Variants in ROCK2 observed in about 807,000 individuals in gnomAD.
ROCK2 encodes rho-associated protein kinase 2.
A neutral mutation model predicts 195.1 loss-of-function variants in ROCK2; 61 were observed. The ratio of observed to expected loss-of-function variants is 0.31; its 90% CI spans 0.25 to 0.39. The LOEUF (loss-of-function observed/expected upper bound fraction) is 0.39. Ranked by LOEUF, ROCK2 falls within the 10% of genes least tolerant of loss-of-function variation. The pLI is 1.00. For missense variants in ROCK2, 1,109 were observed against 1,637.4 expected (o/e 0.68, Z 5.57); for synonymous variants, 504 against 545.5 (o/e 0.92, Z 1.06).
At chr2:11,233,149 G>A (rs1665079438) in intron 5 of ROCK2, among the ~76,000 whole-genome samples, 1 of 152,122 alleles carries the variant, frequency 6.6e-6, no homozygotes, top group South Asian at 2.1e-4. Context: ...AGGGGTTTCG[G>A]GCTACAGTGA....
chr2:11,220,535 T>C (rs951147282), intron 9 of ROCK2, among the ~76,000 whole-genome samples: 2 of 152,242 alleles, frequency 1.3e-5, no homozygotes, highest in African/African-American at 2.4e-5. Flanking sequence ...TTCTGCTAGA[T>C]GCAGAGACTA....
intron 13 of ROCK2, among the ~76,000 whole-genome samples, chr2:11,215,887 C>T (rs1334849336): frequency 6.6e-6 from 1 of 152,168 alleles, no homozygotes; most frequent in Non-Finnish European, 1.5e-5. Flanking sequence ...ACTGAACTAT[C>T]ATTATTTAAT....
At chr2:11,214,770 C>G in intron 16 of ROCK2, 70 bp downstream of exon 16, 1 of 1,368,542 alleles carries the variant, frequency 7.3e-7, no homozygotes, top group South Asian at 1.4e-5. Context: ...AGCACACTAT[C>G]CATCATCTAA....
Position 11,202,065 on chromosome 2 carries a change from T to A in ROCK2, c.2606A>T (p.Glu869Val). 1 of 1,613,764 alleles carries A rather than the reference T, an allele frequency of 6.2e-7. No individual in the cohort carries two copies. The highest frequency in any genetic ancestry group is 8.5e-7 in the Non-Finnish European group (1 of 1,179,720). Residue 869 changes from glutamate to valine, a missense_variant, in exon 21 of 33, where the codon GAA (glutamate) becomes GTA (valine). Physicochemically the swap from Glu to Val is moderately radical, Grantham distance 121 (BLOSUM62 -2). Around this residue, in one of 6 missense-constraint regions of ROCK2, gnomAD observed 542 missense variants for 672.0 expected, o/e 0.81. Coordinates refer to ENST00000315872, the MANE Select transcript of ROCK2 (RefSeq NM_004850.5). ...TCTTGAACTTACTGAGAAATACTGT[T>A]CTGCTTCGAGCTGATCCTGGAGCTC... ...MKELQDQLEA[E>V]QYFSTLYKTQ... is the part of the protein sequence containing the mutation.
intron 4 of ROCK2, 149 bp from the exon 5 acceptor site, chr2:11,236,111 C>T: frequency 1.4e-6 from 1 of 733,014 alleles, no homozygotes; most frequent in Non-Finnish European, 2.0e-6. Context: ...TTATTTTAGA[C>T]TCAGGCGTAT....
chr2:11,247,455 G>T (rs1665654958), intron 4 of ROCK2, among the ~76,000 whole-genome samples: 2 of 152,078 alleles, frequency 1.3e-5, no homozygotes, highest in Non-Finnish European at 2.9e-5. Context: ...GCATATAAAG[G>T]CCACAATTAT....
intron 3 of ROCK2, among the ~76,000 whole-genome samples, chr2:11,268,256 C>A (rs1232745916): frequency 6.6e-6 from 1 of 152,024 alleles, no homozygotes; most frequent in Admixed American, 6.6e-5. Flanking sequence ...GTGGTCAAGT[C>A]AGAAAATTAA....
At chr2:11,244,194 AT>A in intron 4 of ROCK2, among the ~76,000 whole-genome samples, 1 of 152,284 alleles carries the variant, frequency 6.6e-6, no homozygotes, top group East Asian at 1.9e-4. Flanking sequence ...TATCTCTTGA[AT>A]TTTATCAATA....
At chr2:11,223,495 C>T (rs1664705078) in intron 7 of ROCK2, among the ~76,000 whole-genome samples, 2 of 152,050 alleles carry the variant, frequency 1.3e-5, no homozygotes, top group Admixed American at 1.3e-4. Context: ...ATGCTTGTAA[C>T]AAATTAATAA....
intron 3 of ROCK2, among the ~76,000 whole-genome samples, chr2:11,250,854 C>A (rs1665806720): frequency 6.6e-6 from 1 of 152,222 alleles, no homozygotes; most frequent in Non-Finnish European, 1.5e-5. Context: ...CTCTTATCCA[C>A]AGCCTAGTCA....
At chr2:11,224,956 C>A (rs1664763339) in intron 6 of ROCK2, among the ~76,000 whole-genome samples, 1 of 152,156 alleles carries the variant, frequency 6.6e-6, no homozygotes, top group African/African-American at 2.4e-5. Flanking sequence ...ATACTAGCCA[C>A]ATTTTAAGTC....
chr2:11,315,195 T>A (rs1668153333), intron 1 of ROCK2, among the ~76,000 whole-genome samples: 1 of 152,064 alleles, frequency 6.6e-6, no homozygotes, highest in African/African-American at 2.4e-5. Context: ...ACAATTATTC[T>A]GAAGTTAGAG....
At chr2:11,310,768 A>G (rs374837181) in intron 1 of ROCK2, among the ~76,000 whole-genome samples, 6 of 152,234 alleles carry the variant, frequency 3.9e-5, no homozygotes, top group South Asian at 2.1e-4. Context: ...TGTCTGTTAT[A>G]TAACACACAC....
chr2:11,316,970 A>T (rs1214388526), intron 1 of ROCK2, among the ~76,000 whole-genome samples: 1 of 152,140 alleles, frequency 6.6e-6, no homozygotes, highest in Non-Finnish European at 1.5e-5. Context: ...CCAAACCTTT[A>T]ATTGATGGAG....
intron 6 of ROCK2, among the ~76,000 whole-genome samples, chr2:11,226,976 T>C (rs1055366156): frequency 6.6e-6 from 1 of 151,228 alleles, no homozygotes; most frequent in Non-Finnish European, 1.5e-5. Context: ...AGCTGTAAAC[T>C]TGCTTCTTGT....
At chr2:11,332,287 T>C (rs1668792656) in intron 1 of ROCK2, among the ~76,000 whole-genome samples, 1 of 152,200 alleles carries the variant, frequency 6.6e-6, no homozygotes, top group Non-Finnish European at 1.5e-5. Flanking sequence ...GTATAAACAC[T>C]TATCAGTAGG....
chr2:11,275,566 C>T (rs1666794755), intron 3 of ROCK2, among the ~76,000 whole-genome samples: 1 of 152,098 alleles, frequency 6.6e-6, no homozygotes. Context: ...ATGATTTATT[C>T]CTAGAATCCA....
At chr2:11,292,987 C>G (rs1238767464) in intron 1 of ROCK2, among the ~76,000 whole-genome samples, 5 of 152,154 alleles carry the variant, frequency 3.3e-5, no homozygotes. Context: ...GCCTGCTTCC[C>G]TTTGCTTTCT....
intron 3 of ROCK2, among the ~76,000 whole-genome samples, chr2:11,280,220 C>T (rs1021577341): frequency 6.6e-6 from 1 of 151,670 alleles, no homozygotes; most frequent in Non-Finnish European, 1.5e-5. Flanking sequence ...TTGAAAAGAC[C>T]AATAATATTG....
Sources: gnomAD v4.1 joint callset for allele counts (sites outside exome capture counted in the v4.1 genomes callset) on GRCh38, gnomAD v4.1.1 for gene constraint, gnomAD v4.1.1 regional missense constraint, MANE v1.5 for transcripts, NCBI Gene and HGNC (gene_info 2026-07-23, HGNC 2026-07-21) for gene names.